Variants in SLC7A14 observed in about 807,000 individuals in gnomAD.
The protein encoded by SLC7A14 is gamma-aminobutyric acid transporter SLC7A14.
Under a neutral mutation model 60.2 loss-of-function variants are expected in SLC7A14, and 37 were observed. The ratio of observed to expected loss-of-function variants is 0.61; its 90% CI spans 0.47 to 0.81. The LOEUF (loss-of-function observed/expected upper bound fraction) is 0.81. Ranked by LOEUF, SLC7A14 falls within the 30% of genes least tolerant of loss-of-function variation. SLC7A14 has a pLI of 0.00. For synonymous variants in SLC7A14, 399 were observed against 395.8 expected (o/e 1.01, Z -0.10); for missense variants, 886 against 982.7 (o/e 0.90, Z 1.32).
At chr3:170,496,488 C>A in intron 4 of SLC7A14, 2 of 1,389,446 alleles carry the variant, frequency 1.4e-6, no homozygotes, top group Non-Finnish European at 2.0e-6. Context: ...CAGCGCCAAG[C>A]GGTCGGAGCT....
At chr3:170,566,593 T>C (rs1435515777) in intron 1 of SLC7A14, among the ~76,000 whole-genome samples, 2 of 152,306 alleles carry the variant, frequency 1.3e-5, no homozygotes, top group Middle Eastern at 3.4e-3. Flanking sequence ...CTCACTGTTG[T>C]CAGAACCTTC....
intron 7 of SLC7A14, among the ~76,000 whole-genome samples, chr3:170,472,504 G>A (rs889736371): frequency 6.6e-6 from 1 of 152,142 alleles, no homozygotes; most frequent in Non-Finnish European, 1.5e-5. Flanking sequence ...GGTGGCTCAC[G>A]CCTGTAATCC....
intron 6 of SLC7A14, 113 bp downstream of exon 6, chr3:170,483,201 A>G: frequency 1.6e-6 from 2 of 1,235,146 alleles, no homozygotes; most frequent in Non-Finnish European, 2.3e-6. Flanking sequence ...CAAGGTCCAC[A>G]GTCCATGTGA....
At chr3:170,571,471 G>A (rs1227683318) in intron 1 of SLC7A14, among the ~76,000 whole-genome samples, 3 of 152,252 alleles carry the variant, frequency 2.0e-5, no homozygotes, top group East Asian at 3.9e-4. Context: ...TGACAGTTAC[G>A]TGAGACTAAT....
At chr3:170,525,640 T>C (rs1713469627) in intron 2 of SLC7A14, among the ~76,000 whole-genome samples, 1 of 152,210 alleles carries the variant, frequency 6.6e-6, no homozygotes, top group African/African-American at 2.4e-5. Context: ...CCTTCCACTG[T>C]CCCTCAAGAG....
intron 1 of SLC7A14, among the ~76,000 whole-genome samples, chr3:170,531,749 G>A (rs1167782778): frequency 1.3e-5 from 2 of 152,174 alleles, no homozygotes; most frequent in African/African-American, 2.4e-5. Context: ...AGCAATAAAT[G>A]TGTGTTGTGC....
intron 1 of SLC7A14, among the ~76,000 whole-genome samples, chr3:170,554,868 T>TA (rs139092655): frequency 6.6e-6 from 1 of 152,110 alleles, no homozygotes; most frequent in Non-Finnish European, 1.5e-5. Context: ...CAAGCACTTT[T>TA]AAAAAAATAT....
chr3:170,508,904 T>C (rs1053185560), intron 2 of SLC7A14, among the ~76,000 whole-genome samples: 14 of 152,122 alleles, frequency 9.2e-5, no homozygotes, highest in African/African-American at 3.4e-4. Context: ...CTCCATATGG[T>C]GGGTAATGCA....
At chr3:170,569,846 C>T (rs186987242) in intron 1 of SLC7A14, among the ~76,000 whole-genome samples, 8 of 152,084 alleles carry the variant, frequency 5.3e-5, no homozygotes, top group East Asian at 1.9e-4. Flanking sequence ...TCTGTGGGGT[C>T]GGTGGTGATA....
chr3:170,568,839 G>A (rs375547130), intron 1 of SLC7A14, among the ~76,000 whole-genome samples: 5 of 152,174 alleles, frequency 3.3e-5, no homozygotes, highest in Non-Finnish European at 7.3e-5. Context: ...AAGAATGCTT[G>A]TGATTTTTGT....
chr3:170,542,593 T>TG (rs1714053117), intron 1 of SLC7A14, among the ~76,000 whole-genome samples: 1 of 152,224 alleles, frequency 6.6e-6, no homozygotes, highest in African/African-American at 2.4e-5. Flanking sequence ...CTCTCTCACT[T>TG]GGCCCATCTC....
intron 1 of SLC7A14, among the ~76,000 whole-genome samples, chr3:170,579,438 T>G (rs1442506511): frequency 6.6e-6 from 1 of 152,222 alleles, no homozygotes; most frequent in Non-Finnish European, 1.5e-5. Flanking sequence ...ATGGAAAAAT[T>G]TTTTTAAAAT....
intron 2 of SLC7A14, among the ~76,000 whole-genome samples, chr3:170,525,602 A>G (rs958042775): frequency 6.6e-6 from 1 of 151,958 alleles, no homozygotes; most frequent in African/African-American, 2.4e-5. Context: ...TGCTCTGCCT[A>G]TCTTTATTAT....
At chr3:170,558,040 C>T in intron 1 of SLC7A14, among the ~76,000 whole-genome samples, 1 of 152,102 alleles carries the variant, frequency 6.6e-6, no homozygotes, top group East Asian at 1.9e-4. Context: ...AGAGATTTCC[C>T]TAGGACATCC....
chr3:170,538,784 C>T (rs1246070805), intron 1 of SLC7A14, among the ~76,000 whole-genome samples: 1 of 152,238 alleles, frequency 6.6e-6, no homozygotes, highest in African/African-American at 2.4e-5. Flanking sequence ...AAGTGAGTGA[C>T]CATCCAATGT....
chr3:170,543,255 G>C (rs1179821802), intron 1 of SLC7A14, among the ~76,000 whole-genome samples: 1 of 152,134 alleles, frequency 6.6e-6, no homozygotes, highest in Non-Finnish European at 1.5e-5. Flanking sequence ...CCGGAAGAGA[G>C]GGCCAAGATG....
rs945553949 is a variant in SLC7A14 at position 170,527,046 on chromosome 3, G to A, written c.-110C>T. 1.7e-6 allele frequency: 2 copies of A among 1,206,488 alleles called. No individual in the cohort carries two copies. The highest frequency in any genetic ancestry group is 3.1e-5 in the African/African-American group (2 of 65,386). 74.7% of individuals were successfully genotyped at this position (1,206,488 alleles called of 1,614,324 possible). On this transcript the variant is annotated 5_prime_UTR_variant, in exon 2 of 8. Coordinates refer to ENST00000231706, the MANE Select transcript of SLC7A14 (RefSeq NM_020949.3). ...GAACAGGGATCTCCCTTTTAGGAAAGGCCCAGAGGGACCCAGTGCAGCCTT... is the reference window on the plus strand; with the variant it reads ...GAACAGGGATCTCCCTTTTAGGAAAAGCCCAGAGGGACCCAGTGCAGCCTT...
intron 1 of SLC7A14, among the ~76,000 whole-genome samples, chr3:170,576,568 G>C (rs1217501335): frequency 6.6e-6 from 1 of 152,126 alleles, no homozygotes; most frequent in Non-Finnish European, 1.5e-5. Context: ...TCATACTTCT[G>C]AACAATAACT....
chr3:170,488,404 C>A (rs1040046238), intron 4 of SLC7A14, among the ~76,000 whole-genome samples: 4 of 151,232 alleles, frequency 2.6e-5, no homozygotes, highest in African/African-American at 9.7e-5. Flanking sequence ...GAAAATAGAT[C>A]TCACCTCATC....
Sources: allele counts gnomAD v4.1 joint callset (sites outside exome capture counted in the v4.1 genomes callset), GRCh38; gene constraint gnomAD v4.1.1; transcripts MANE v1.5; gene names NCBI Gene and HGNC (gene_info 2026-07-23, HGNC 2026-07-21).